TRIM28: variants seen among roughly 807,000 people sequenced by gnomAD.
TRIM28 encodes transcription intermediary factor 1-beta.
TRIM28 carries 8 observed loss-of-function variants against 87.4 expected under a neutral mutation model. The ratio of observed to expected loss-of-function variants is 0.09; its 90% CI spans 0.05 to 0.17. The LOEUF (loss-of-function observed/expected upper bound fraction) is 0.17, where lower values mean the gene tolerates loss of function less well. Ranked by LOEUF, TRIM28 falls within the 10% of genes least tolerant of loss-of-function variation. TRIM28 has a pLI of 1.00. For synonymous variants in TRIM28, 601 were observed against 454.3 expected (o/e 1.32, Z -4.11); for missense variants, 968 against 1,131.8 (o/e 0.86, Z 2.08).
chr19:58,548,368 G>A lies in TRIM28; in HGVS notation c.1176G>A (p.Gln392=). 6.2e-7 allele frequency: 1 copy of A among 1,614,182 alleles called. No individual in the cohort carries two copies. The highest frequency in any genetic ancestry group is 8.5e-7 in the Non-Finnish European group (1 of 1,180,032). The change falls in exon 8 of 17, where the codon CAG becomes CAA. Residue 392 remains glutamine (Q), a synonymous_variant. Coordinates refer to ENST00000253024, the MANE Select transcript of TRIM28 (RefSeq NM_005762.3). The part of the protein sequence containing the change: ...PVEPHGEMKF[Q]WDLNAWTKSA... ...AGCCACATGGCGAGATGAAGTTTCA[G>A]TGGGACCTCAATGCCTGGACCAAGA...
In TRIM28 at chr19:58,549,256, G is replaced by A; in HGVS notation, c.1662+16G>A. On this transcript the variant is annotated intron_variant, in intron 12 of 16. Transcript: ENST00000253024. This position sits in a 1 kb window ranked among gnomAD's most constrained non-coding sequence, Gnocchi z 4.4. ...CATTGTCAAGGTAAGCCTGTCCCAA[G>A]GAACTATAGCTGTAGGATGAAGCCT... The A allele has an allele frequency of 6.2e-7, 1 of 1,610,488 alleles. No homozygotes were observed. The highest frequency in any genetic ancestry group is 8.5e-7 in the Non-Finnish European group (1 of 1,177,612).
Position 58,544,784 on chromosome 19 carries a change from G to A in TRIM28, c.27G>A (p.Ser9=). MAASAAAA[S]AAAASAASGS... is the part of the protein sequence containing the mutation. ...TGGCGGCCTCCGCGGCGGCAGCCTC[G>A]GCAGCAGCGGCCTCGGCCGCCTCTG... The change falls in exon 1 of 17, where the codon TCG becomes TCA. Residue 9 remains serine, a synonymous_variant. Transcript: ENST00000253024. 8.5e-7 allele frequency: 1 copy of A among 1,178,510 alleles called. No homozygotes were observed. Among genetic ancestry groups the A allele is most frequent in the Admixed American group, 4.6e-5 (1 of 21,658 alleles). The allele number at this position is 1,178,510 out of a possible 1,614,324, so 73.0% of individuals were successfully genotyped here. A position where few individuals can be genotyped will look rare whatever the true frequency, so the allele number is the denominator to read the frequency against.
chr19:58,544,709 C>G lies in TRIM28; in HGVS notation c.-49C>G. The stretch of plus-strand genomic sequence containing the variant: ...GGCGAGCGCGTCTGCGCCTGCGCGG[C>G]GGGCCCCGCGCCCCTCCTCCCCCCC... On this transcript the variant is annotated 5_prime_UTR_variant, in exon 1 of 17. Coordinates refer to ENST00000253024, the MANE Select transcript of TRIM28 (RefSeq NM_005762.3). 3 of 862,804 alleles carry G rather than the reference C, an allele frequency of 3.5e-6. No individual in the cohort carries two copies. The highest frequency in any genetic ancestry group is 4.2e-6 in the Non-Finnish European group (3 of 714,860). The allele number at this position is 862,804 out of a possible 1,614,324, so 53.4% of individuals were successfully genotyped here.
chr19:58,548,349 A>G lies in TRIM28; in HGVS notation c.1157A>G (p.His386Arg). 1.2e-6 allele frequency: 2 copies of G among 1,614,160 alleles called. No homozygotes were observed. The highest frequency in any genetic ancestry group is 1.7e-6 in the Non-Finnish European group (2 of 1,180,024). ...ATGATTGTGGATCCCGTGGAGCCAC[A>G]TGGCGAGATGAAGTTTCAGTGGGAC... ...LKMIVDPVEP[H>R]GEMKFQWDLN... Residue 386 changes from histidine to arginine, a missense_variant, in exon 8 of 17, where the codon CAT (histidine) becomes CGT (arginine). Transcript: ENST00000253024.
rs1418744809 is a variant in TRIM28, at chr19:58,549,716, C to T, written c.1983-21C>T. ...CTGTCTGGACAGGATCATGTGCAGA[C>T]CCTTATTTTCTTCACCCTAGGGAGG... On this transcript the variant is annotated intron_variant, in intron 13 of 16. Coordinates refer to ENST00000253024, the MANE Select transcript of TRIM28 (RefSeq NM_005762.3). The surrounding 1 kb of genome is among the most constrained non-coding windows in gnomAD (Gnocchi z 4.4). The T allele has an allele frequency of 6.3e-7, 1 of 1,599,304 alleles. No homozygotes were observed. Among genetic ancestry groups the T allele is most frequent in the African/African-American group, 1.3e-5 (1 of 74,750 alleles).
rs1224700206 is a variant in TRIM28, at chr19:58,550,540, G to C, written c.2495G>C (p.Gly832Ala). Residue 832 changes from glycine (G) to alanine (A), a missense_variant, in exon 17 of 17, where the codon GGT becomes GCT. By Grantham distance (60) the Gly-to-Ala change is moderately conservative. Coordinates refer to ENST00000253024, the MANE Select transcript of TRIM28 (RefSeq NM_005762.3). ...LSSQELSGGP[G>A]DGP ...TCCCAGGAGCTGTCTGGTGGCCCTG[G>C]TGATGGCCCCTGAGGCTGGAGCCCC... 2 of 1,608,462 alleles carry C rather than the reference G, an allele frequency of 1.2e-6. No individual in the cohort carries two copies. The highest frequency in any genetic ancestry group is 1.3e-5 in the African/African-American group (1 of 74,986).
At position 58,549,036 on chromosome 19, in the gene TRIM28, A is replaced by G. The variant is rs761917458; in HGVS notation, c.1458A>G (p.Pro486=). The change falls in exon 12 of 17, where the codon CCA becomes CCG. Residue 486 remains proline, a synonymous_variant. Coordinates refer to ENST00000253024, the MANE Select transcript of TRIM28 (RefSeq NM_005762.3). The surrounding 1 kb of genome is among the most constrained non-coding windows in gnomAD (Gnocchi z 4.4). ...GEVSGLMRKV[P]RVSLERLDLD... is the part of the protein sequence containing the mutation. ...TGAGCGGCCTTATGCGCAAGGTGCC[A>G]CGAGTGAGCCTTGAACGCCTGGACC... The G allele has an allele frequency of 6.2e-7, 1 of 1,614,102 alleles. No individual in the cohort carries two copies. The highest frequency in any genetic ancestry group is 8.5e-7 in the Non-Finnish European group (1 of 1,180,008).
At position 58,547,470 on chromosome 19, in the gene TRIM28, C is replaced by A. The variant is rs770078896; in HGVS notation, c.681C>A (p.Leu227=). ...LVLFCESCDT[L]TCRDCQLNAH... is the part of the protein sequence containing the mutation. ...TGTTTTGTGAGAGCTGTGATACTCT[C>A]ACCTGCCGAGACTGCCAGCTCAATG... is the stretch of plus-strand genomic sequence containing the variant. Residue 227 remains leucine, a synonymous_variant, in exon 4 of 17, where the codon CTC becomes CTA. Coordinates refer to ENST00000253024, the MANE Select transcript of TRIM28 (RefSeq NM_005762.3). 18 of 1,613,928 alleles carry A rather than the reference C, an allele frequency of 1.1e-5. No individual in the cohort carries two copies. Among genetic ancestry groups the A allele is most frequent in the Non-Finnish European group, 1.4e-5 (17 of 1,180,012 alleles).
At position 58,547,356 on chromosome 19, in the gene TRIM28, T is replaced by G. The variant is rs780198376; in HGVS notation, c.587-20T>G. On this transcript the variant is annotated intron_variant, in intron 3 of 16. Coordinates refer to ENST00000253024, the MANE Select transcript of TRIM28 (RefSeq NM_005762.3). ...GGGTGGTGAAGGGCAAGGTCCAGCC[T>G]TATGATTCCCACTCCCCAGGGCCAG... 6.2e-7 allele frequency: 1 copy of G among 1,611,084 alleles called. No individual in the cohort carries two copies. The highest frequency in any genetic ancestry group is 8.5e-7 in the Non-Finnish European group (1 of 1,177,606).
intron 3 of TRIM28, chr19:58,547,141 A>T: frequency 3.6e-6 from 2 of 550,444 alleles, no homozygotes; most frequent in East Asian, 3.1e-5. Context: ...CATTGTTGTT[A>T]TCTCTAGAAG....
rs771411114 is a variant in TRIM28, at chr19:58,548,928, C to T, written c.1409+18C>T. On this transcript the variant is annotated intron_variant, in intron 11 of 16. Coordinates refer to ENST00000253024, the MANE Select transcript of TRIM28 (RefSeq NM_005762.3). ...GTGAAACGGTAAGTATGGCACCTCCCCTGGGGGTGAGGTGGATGGAGGGTG... is the reference window on the plus strand; with the variant it reads ...GTGAAACGGTAAGTATGGCACCTCCTCTGGGGGTGAGGTGGATGGAGGGTG... 3 of 1,614,076 alleles carry T rather than the reference C, an allele frequency of 1.9e-6. No individual in the cohort carries two copies. Among genetic ancestry groups the T allele is most frequent in the South Asian group, 1.1e-5 (1 of 91,086 alleles).
intron 6 of TRIM28, 54 bp downstream of exon 6, chr19:58,547,960 T>C (rs2053775903): frequency 2.5e-6 from 4 of 1,613,510 alleles, no homozygotes; most frequent in South Asian, 2.2e-5. Flanking sequence ...TGATTGATGA[T>C]GCTGTCTGGG....
chr19:58,547,777 T>C lies in TRIM28; in HGVS notation c.840-15T>C. ...CAGCAAGACCCTACCTAGCCTGACC[T>C]GCTGTGTCCCCTAGAATCCGCCAGG... On this transcript the variant is annotated splice_polypyrimidine_tract_variant and intron_variant, in intron 5 of 16. Coordinates refer to ENST00000253024, the MANE Select transcript of TRIM28 (RefSeq NM_005762.3). The C allele has an allele frequency of 6.2e-7, 1 of 1,614,020 alleles. No homozygotes were observed. Among genetic ancestry groups the C allele is most frequent in the Non-Finnish European group, 8.5e-7 (1 of 1,179,956 alleles).
At chr19:58,548,802 G>A (rs369395529) in intron 10 of TRIM28, 26 bp downstream of exon 10, 1 of 1,613,946 alleles carries the variant, frequency 6.2e-7, no homozygotes, top group African/African-American at 1.3e-5. Flanking sequence ...TAGTGGGTGG[G>A]GAAGGGCCCC....
chr19:58,546,883 A>G (rs1484659312), intron 3 of TRIM28, among the ~76,000 whole-genome samples: 1 of 152,098 alleles, frequency 6.6e-6, no homozygotes, highest in East Asian at 1.9e-4. Context: ...CCAGTATGAG[A>G]ACCTCTACAA....
intron 16 of TRIM28, 25 bp from the exon 17 acceptor site, chr19:58,550,352 T>C (rs746735509): frequency 6.2e-7 from 1 of 1,612,744 alleles, no homozygotes; most frequent in Admixed American, 1.7e-5. Context: ...GACCCATTCA[T>C]CCACTGCATT....
intron 2 of TRIM28, 72 bp from the exon 3 acceptor site, chr19:58,545,692 T>A: frequency 6.4e-7 from 1 of 1,570,146 alleles, no homozygotes; most frequent in Non-Finnish European, 8.7e-7. Context: ...AATCTCCGGT[T>A]GTATTTTCTG....
Position 58,544,663 on chromosome 19 carries a change from G to GGCA in TRIM28, c.-92_-90dup, listed in dbSNP as rs2053742946. The GGCA allele has an allele frequency of 2.1e-6, 1 of 468,414 alleles. No individual in the cohort carries two copies. Among genetic ancestry groups the GGCA allele is most frequent in the Admixed American group, 6.6e-5 (1 of 15,174 alleles). 29.0% of individuals were successfully genotyped at this position (468,414 alleles called of 1,614,324 possible). On this transcript the variant is annotated 5_prime_UTR_variant, in exon 1 of 17. Coordinates refer to ENST00000253024, the MANE Select transcript of TRIM28 (RefSeq NM_005762.3). ...CGCTCGGCCTCGCGGCGGCGGCGGC[G>GGCA]GCAGCGGCCCAGCAGTTGGCGGCGA...
In TRIM28 at chr19:58,545,910, AG is replaced by A; in HGVS notation, c.586+20del. On this transcript the variant is annotated intron_variant, in intron 3 of 16. Transcript: ENST00000253024. The stretch of plus-strand genomic sequence containing the variant: ...TGCGCTCTACTGGTACATGAGGCTG[AG>A]GGGGGCTGTTGGAGTTGTTCTCCCA... 1.3e-6 allele frequency: 2 copies of A among 1,577,164 alleles called. No individual in the cohort carries two copies. Among genetic ancestry groups the A allele is most frequent in the East Asian group, 2.3e-5 (1 of 43,984 alleles).
Sources: allele counts gnomAD v4.1 joint callset (sites outside exome capture counted in the v4.1 genomes callset), GRCh38; gene constraint gnomAD v4.1.1; non-coding constraint Gnocchi (gnomAD v3.1); transcripts MANE v1.5; gene names NCBI Gene and HGNC (gene_info 2026-07-23, HGNC 2026-07-21).